The following XPR1 variants were observed in gnomAD, a reference collection of about 807,000 sequenced individuals.
XPR1 encodes solute carrier family 53 member 1.
Under a neutral mutation model 87.5 loss-of-function variants are expected in XPR1, and 28 were observed. The ratio of observed to expected loss-of-function variants is 0.32; its 90% CI spans 0.24 to 0.44. The LOEUF is 0.44. Ranked by LOEUF, XPR1 falls within the 20% of genes least tolerant of loss-of-function variation. The pLI is 1.00. For missense variants in XPR1, 559 were observed against 862.3 expected, an observed-to-expected ratio of 0.65 and a Z score of 4.41; for synonymous variants, 300 against 306.1, an observed-to-expected ratio of 0.98 and a Z score of 0.21.
chr1:180,828,780 A>G (rs1650953298), intron 9 of XPR1, among the ~76,000 whole-genome samples: 1 of 152,242 alleles, frequency 6.6e-6, no homozygotes, highest in African/African-American at 2.4e-5. Context: ...AAGATGAGTT[A>G]TGAACCCAGG....
At chr1:180,738,065 G>T (rs577288588) in intron 2 of XPR1, among the ~76,000 whole-genome samples, 2 of 152,016 alleles carry the variant, frequency 1.3e-5, no homozygotes, top group African/African-American at 2.4e-5. Flanking sequence ...AGGCTGGAGC[G>T]CAGTGGCACG....
chr1:180,823,883 C>G (rs1650727863), intron 7 of XPR1, among the ~76,000 whole-genome samples: 1 of 152,106 alleles, frequency 6.6e-6, no homozygotes, highest in African/African-American at 2.4e-5. Context: ...AATGAATTAC[C>G]AATTATTCTA....
intron 11 of XPR1, among the ~76,000 whole-genome samples, chr1:180,853,021 G>A (rs954997995): frequency 3.9e-5 from 6 of 152,128 alleles, no homozygotes; most frequent in Middle Eastern, 3.4e-3. Context: ...GCCTCCACCC[G>A]TTGGGTTCAA....
intron 2 of XPR1, among the ~76,000 whole-genome samples, chr1:180,724,443 G>A (rs1261322691): frequency 1.3e-5 from 2 of 152,168 alleles, no homozygotes; most frequent in Non-Finnish European, 2.9e-5. Flanking sequence ...TAATGAAGTT[G>A]TAAAATATAA....
chr1:180,845,763 G>GGGGTTGC (rs1553253397), intron 11 of XPR1, among the ~76,000 whole-genome samples: 1 of 274 alleles, frequency 3.6e-3, no homozygotes, highest in Non-Finnish European at 9.1e-3. Flanking sequence ...TTCCAAAGCT[G>GGGGTTGC]ACCTGAGCCT....
At chr1:180,723,240 T>C (rs1266048236) in intron 2 of XPR1, among the ~76,000 whole-genome samples, 1 of 152,204 alleles carries the variant, frequency 6.6e-6, no homozygotes, top group Non-Finnish European at 1.5e-5. Flanking sequence ...ATTAAAGTTA[T>C]AAAGTAACCA....
chr1:180,681,353 A>G (rs1656572651), intron 1 of XPR1, among the ~76,000 whole-genome samples: 1 of 152,240 alleles, frequency 6.6e-6, no homozygotes, highest in Admixed American at 6.5e-5. Flanking sequence ...TGGATTAAAA[A>G]TAAAATTTCT....
At chr1:180,718,016 T>C (rs898378910) in intron 2 of XPR1, among the ~76,000 whole-genome samples, 2 of 152,202 alleles carry the variant, frequency 1.3e-5, no homozygotes, top group African/African-American at 2.4e-5. Context: ...ACAGTTAATA[T>C]AATCTAAGGG....
At chr1:180,695,565 G>A (rs1571734314) in intron 2 of XPR1, among the ~76,000 whole-genome samples, 1 of 152,068 alleles carries the variant, frequency 6.6e-6, no homozygotes, top group South Asian at 2.1e-4. Context: ...ATAGTTTCAG[G>A]TCTTACATTT....
chr1:180,824,626 A>C, intron 7 of XPR1, 127 bp from the exon 8 acceptor site: 1 of 742,590 alleles, frequency 1.3e-6, no homozygotes, highest in Non-Finnish European at 2.2e-6. Flanking sequence ...TAGATAATCT[A>C]GGTTTAGGTT....
At chr1:180,642,426 T>TA (rs35877384) in intron 1 of XPR1, among the ~76,000 whole-genome samples, 2 of 151,836 alleles carry the variant, frequency 1.3e-5, no homozygotes, top group Admixed American at 1.3e-4. Context: ...TCTTTTTTTT[T>TA]AAAAAAATAA....
Position 180,884,944 on chromosome 1 carries a change from C to G in XPR1, c.*878C>G, listed in dbSNP as rs1451595325. ...AGCATATCTCTCATAACAAGGAATC[C>G]CACACTTCACACCACCGGCTGAATT... On this transcript the variant is annotated 3_prime_UTR_variant, in exon 15 of 15. Transcript: ENST00000367590. 1 of 152,200 alleles carries G rather than the reference C, an allele frequency of 6.6e-6. No homozygotes were observed. Among genetic ancestry groups the G allele is most frequent in the Non-Finnish European group, 1.5e-5 (1 of 68,028 alleles). The allele number at this position is 152,200 out of a possible 1,614,324, so 9.4% of individuals were successfully genotyped here. A position where few individuals can be genotyped will look rare whatever the true frequency, so the allele number is the denominator to read the frequency against.
intron 11 of XPR1, among the ~76,000 whole-genome samples, chr1:180,862,736 CAGAAAAAAATTA>C (rs1336907521): frequency 2.6e-5 from 4 of 151,996 alleles, no homozygotes; most frequent in Admixed American, 6.6e-5. Context: ...CTTATTTTAA[CAGAAAAAAATTA>C]TGAACGATGC....
At chr1:180,883,226 A>G (rs1272817464) in intron 14 of XPR1, among the ~76,000 whole-genome samples, 1 of 147,170 alleles carries the variant, frequency 6.8e-6, no homozygotes, top group Non-Finnish European at 1.5e-5. Context: ...TCAGCCTCCC[A>G]AGGAGCTGGG....
chr1:180,655,398 CTCTTT>C (rs897412329), intron 1 of XPR1, among the ~76,000 whole-genome samples: 32 of 142,760 alleles, frequency 2.2e-4, no homozygotes, highest in African/African-American at 8.5e-4. Flanking sequence ...CTCTCTCTCT[CTCTTT>C]TTTTTTTTTT....
At chr1:180,766,822 G>A (rs1463540783) in intron 2 of XPR1, among the ~76,000 whole-genome samples, 2 of 152,120 alleles carry the variant, frequency 1.3e-5, no homozygotes, top group Non-Finnish European at 2.9e-5. Flanking sequence ...GGGTGAAATA[G>A]TGAAACAGTG....
chr1:180,722,853 G>A (rs760831642), intron 2 of XPR1, among the ~76,000 whole-genome samples: 8 of 152,026 alleles, frequency 5.3e-5, no homozygotes, highest in Non-Finnish European at 1.2e-4. Context: ...ACAGATCAGT[G>A]GAATTATTTG....
At chr1:180,861,312 T>C (rs948575962) in intron 11 of XPR1, among the ~76,000 whole-genome samples, 1 of 151,218 alleles carries the variant, frequency 6.6e-6, no homozygotes, top group African/African-American at 2.4e-5. Flanking sequence ...GATCTTGTTT[T>C]GAAAATATGA....
At position 180,863,854 on chromosome 1, in the gene XPR1, GA is replaced by G; in HGVS notation, c.1649del (p.Glu550GlyfsTer14). On this transcript the variant is annotated frameshift_variant, in exon 12 of 15. Coordinates refer to ENST00000367590, the MANE Select transcript of XPR1 (RefSeq NM_004736.4). LOFTEE classifies it high-confidence loss of function. ...TGGAGAGAACACTTTCCTCCGGGAA[GA>G]GATTGTATACCCCCAAAAAGTATGT... is the stretch of plus-strand genomic sequence containing the variant. ...NAGENTFLRE[E>X]IVYPQKAYYY... 1 of 1,601,960 alleles carries G rather than the reference GA, an allele frequency of 6.2e-7. No homozygotes were observed. The highest frequency in any genetic ancestry group is 8.5e-7 in the Non-Finnish European group (1 of 1,176,260).
Sources: gnomAD v4.1 joint callset for allele counts (sites outside exome capture counted in the v4.1 genomes callset) on GRCh38, gnomAD v4.1.1 for gene constraint, MANE v1.5 for transcripts, NCBI Gene and HGNC (gene_info 2026-07-23, HGNC 2026-07-21) for gene names.